The following CADPS2 variants were observed in gnomAD, a reference collection of about 807,000 sequenced individuals.
The protein encoded by CADPS2 is calcium-dependent secretion activator 2.
CADPS2 carries 93 observed loss-of-function variants against 172.5 expected under a neutral mutation model. That is an observed-to-expected ratio of 0.54 (90% CI 0.46 to 0.64). CADPS2 has a LOEUF of 0.64. CADPS2 is among the 30% of genes least tolerant of loss of function. CADPS2 has a pLI of 0.00. For missense variants in CADPS2, 1,420 were observed against 1,565.9 expected, an observed-to-expected ratio of 0.91 and a Z score of 1.57; for synonymous variants, 546 against 555.2, an observed-to-expected ratio of 0.98 and a Z score of 0.23.
At chr7:122,702,813 C>T (rs1362579759) in intron 2 of CADPS2, 1 of 1,265,910 alleles carries the variant, frequency 7.9e-7, no homozygotes, top group Non-Finnish European at 1.1e-6. Flanking sequence ...TGTAGAAGAA[C>T]ATAAAGAAGA....
chr7:122,749,564 T>C (rs867283962), intron 1 of CADPS2, among the ~76,000 whole-genome samples: 19 of 152,160 alleles, frequency 1.2e-4, no homozygotes, highest in African/African-American at 4.6e-4. Context: ...TTTAAAATAA[T>C]ACATTTCAAG....
chr7:122,640,844 G>GAAT (rs1051358641), intron 3 of CADPS2, among the ~76,000 whole-genome samples: 2 of 151,248 alleles, frequency 1.3e-5, no homozygotes, highest in Admixed American at 6.6e-5. Flanking sequence ...TGAGGCAGAA[G>GAAT]AATGGCGTGA....
intron 19 of CADPS2, 111 bp from the exon 20 acceptor site, chr7:122,407,807 G>A: frequency 2.9e-6 from 3 of 1,044,164 alleles, no homozygotes; most frequent in Non-Finnish European, 4.2e-6. Flanking sequence ...TCACAAACAG[G>A]TATGATAAAC....
chr7:122,859,390 G>A (rs916258795), intron 1 of CADPS2, among the ~76,000 whole-genome samples: 2 of 152,118 alleles, frequency 1.3e-5, no homozygotes, highest in Non-Finnish European at 2.9e-5. Context: ...GCCACAGAAT[G>A]AGTTATAAGT....
intron 1 of CADPS2, among the ~76,000 whole-genome samples, chr7:122,812,132 G>A: frequency 6.6e-6 from 1 of 151,624 alleles, no homozygotes; most frequent in Non-Finnish European, 1.5e-5. Context: ...GATTCCTGAA[G>A]CAAATCAATT....
chr7:122,860,872 T>C (rs994165469), intron 1 of CADPS2, among the ~76,000 whole-genome samples: 4 of 152,190 alleles, frequency 2.6e-5, no homozygotes, highest in Non-Finnish European at 5.9e-5. Context: ...TAACATAACA[T>C]CCTCTAGGTT....
intron 25 of CADPS2, among the ~76,000 whole-genome samples, chr7:122,373,108 C>G (rs1217829546): frequency 6.6e-6 from 1 of 152,208 alleles, no homozygotes; most frequent in African/African-American, 2.4e-5. Flanking sequence ...ACAGTAGGTA[C>G]TTCATAACTC....
intron 8 of CADPS2, among the ~76,000 whole-genome samples, chr7:122,545,245 G>C (rs2063503318): frequency 6.6e-6 from 1 of 152,174 alleles, no homozygotes; most frequent in Non-Finnish European, 1.5e-5. Flanking sequence ...AAGATGGCTT[G>C]CAGTTAGCGG....
intron 17 of CADPS2, among the ~76,000 whole-genome samples, chr7:122,428,090 G>A (rs1211081835): frequency 2.0e-5 from 3 of 152,142 alleles, no homozygotes; most frequent in Non-Finnish European, 4.4e-5. Flanking sequence ...TTGATGGAGT[G>A]GAGCAGTGGT....
chr7:122,882,490 TA>T (rs1376214386), intron 1 of CADPS2, among the ~76,000 whole-genome samples: 1 of 152,154 alleles, frequency 6.6e-6, no homozygotes, highest in East Asian at 1.9e-4. Flanking sequence ...ATATACATCT[TA>T]AATATTGTTA....
At chr7:122,865,520 A>G (rs1187570931) in intron 1 of CADPS2, among the ~76,000 whole-genome samples, 2 of 151,934 alleles carry the variant, frequency 1.3e-5, no homozygotes, top group Admixed American at 1.3e-4. Context: ...CTTACTTTCT[A>G]CTCTCCTCAG....
intron 2 of CADPS2, among the ~76,000 whole-genome samples, chr7:122,718,946 A>C (rs190316212): frequency 3.3e-5 from 5 of 152,292 alleles, no homozygotes; most frequent in African/African-American, 9.6e-5. Flanking sequence ...ATTTATGATA[A>C]TAATTACTTG....
intron 7 of CADPS2, among the ~76,000 whole-genome samples, chr7:122,574,548 T>C (rs1468692019): frequency 1.4e-5 from 2 of 145,460 alleles, no homozygotes; most frequent in African/African-American, 5.1e-5. Flanking sequence ...AAACAACCAG[T>C]GCTAATAACA....
chr7:122,387,032 T>G lies in CADPS2; in HGVS notation c.3306A>C (p.Gly1102=), dbSNP rs1344399652. ...QSTKLCALDG[G]QEQQYHSKID... Reference sequence around the variant, plus strand: ...TGTGGCACATTCTACATACCTCTTGTCCTCCATCCAGGGCACAGAGTTTGG... The same window carrying G: ...TGTGGCACATTCTACATACCTCTTGGCCTCCATCCAGGGCACAGAGTTTGG... Residue 1102 remains glycine, a synonymous_variant, in exon 24 of 30, where the codon GGA becomes GGC. Coordinates refer to ENST00000449022, the MANE Select transcript of CADPS2 (RefSeq NM_017954.11). 1.9e-6 allele frequency: 3 copies of G among 1,556,344 alleles called. No individual in the cohort carries two copies. The Admixed American group carries it at 5.8e-5, about 30-fold the overall frequency.
At chr7:122,496,892 A>G (rs1487272063) in intron 9 of CADPS2, among the ~76,000 whole-genome samples, 1 of 152,178 alleles carries the variant, frequency 6.6e-6, no homozygotes, top group Non-Finnish European at 1.5e-5. Flanking sequence ...TTCTGATGTA[A>G]AAGTATTGAG....
intron 6 of CADPS2, among the ~76,000 whole-genome samples, chr7:122,603,965 C>T (rs1173132420): frequency 6.6e-6 from 1 of 151,982 alleles, no homozygotes; most frequent in African/African-American, 2.4e-5. Flanking sequence ...GAACTCTGTA[C>T]AACATGGGGG....
At chr7:122,325,817 A>G (rs1168153558) in intron 28 of CADPS2, among the ~76,000 whole-genome samples, 1 of 152,124 alleles carries the variant, frequency 6.6e-6, no homozygotes, top group Non-Finnish European at 1.5e-5. Flanking sequence ...ACAGTCTTTC[A>G]GCTGTAACAT....
At chr7:122,736,487 A>G (rs2092158052) in intron 2 of CADPS2, among the ~76,000 whole-genome samples, 1 of 152,234 alleles carries the variant, frequency 6.6e-6, no homozygotes, top group Non-Finnish European at 1.5e-5. Context: ...TAGAATCAGA[A>G]GAAACAGCAG....
chr7:122,785,339 C>T (rs1460036884), intron 1 of CADPS2, among the ~76,000 whole-genome samples: 1 of 152,114 alleles, frequency 6.6e-6, no homozygotes, highest in Non-Finnish European at 1.5e-5. Context: ...TTTGTGGAGG[C>T]TAAAGTCTGA....
Sources: gnomAD v4.1 joint callset for allele counts (sites outside exome capture counted in the v4.1 genomes callset) on GRCh38, gnomAD v4.1.1 for gene constraint, MANE v1.5 for transcripts, NCBI Gene and HGNC (gene_info 2026-07-23, HGNC 2026-07-21) for gene names.